Variants in USP42 observed in about 807,000 individuals in gnomAD.
USP42 encodes the protein ubiquitin specific peptidase 42.
Under a neutral mutation model 113.0 loss-of-function variants are expected in USP42, and 23 were observed. The observed-to-expected ratio is 0.20, with a 90% CI of 0.15 to 0.29. The LOEUF (loss-of-function observed/expected upper bound fraction) is 0.29. Ranked by LOEUF, USP42 falls within the 10% of genes least tolerant of loss-of-function variation. USP42 has a pLI of 1.00. For synonymous variants in USP42, 933 were observed against 699.0 expected (o/e 1.33, Z -5.28); for missense variants, 2,174 against 1,779.8 (o/e 1.22, Z -3.99).
At position 6,150,457 on chromosome 7, in the gene USP42, G is replaced by C. The variant is rs763596906; in HGVS notation, c.2152G>C (p.Glu718Gln). 2 of 1,613,970 alleles carry C rather than the reference G, an allele frequency of 1.2e-6. No homozygotes were observed. Among genetic ancestry groups the C allele is most frequent in the Admixed American group, 1.7e-5 (1 of 60,014 alleles). ...LLSLPEDKIL[E>Q]TFRLSNKLKG... ...GTCTCTCCCAGAAGACAAAATCTTA[G>C]AGACCTTCAGGCTTAGCAACAAACT... Residue 718 changes from glutamate to glutamine, a missense_variant, in exon 14 of 18, where the codon GAG (glutamate) becomes CAG (glutamine). Glu to Gln is a conservative substitution (Grantham distance 29). Transcript: ENST00000306177.
In USP42 at chr7:6,145,493, C is replaced by G. The variant is rs1431594033; in HGVS notation, c.991-23C>G. On this transcript the variant is annotated intron_variant, in intron 9 of 17. Transcript: ENST00000306177. ...ATGATCTGTGCCCTCGGAAATGTTT[C>G]TCCTGTTTCCATTTCCTTCTAGGAT... The G allele has an allele frequency of 4.3e-6, 7 of 1,613,652 alleles. No individual in the cohort carries two copies. In the East Asian group the frequency reaches 1.1e-4, roughly 26 times the overall value.
the USP42 span, chr7:6,081,521 A>C: frequency 4.6e-5 from 7 of 152,082 alleles, no homozygotes; most frequent in African/African-American, 1.7e-4. Context: ...CCTTCTCCAG[A>C]CGTAAGACCC....
chr7:6,117,874 A>G (rs865841322), intron 3 of USP42, among the ~76,000 whole-genome samples: 1 of 152,060 alleles, frequency 6.6e-6, no homozygotes, highest in South Asian at 2.1e-4. Context: ...CCATCCGTAT[A>G]TTTCCTTTGC....
chr7:6,124,765 C>T (rs1780432549), intron 3 of USP42, among the ~76,000 whole-genome samples: 1 of 151,560 alleles, frequency 6.6e-6, no homozygotes, highest in African/African-American at 2.4e-5. Context: ...CTTTTTCCTG[C>T]CTTCTTTTGG....
In USP42 at chr7:6,154,210, C is replaced by T. The variant is rs773056383; in HGVS notation, c.2656C>T (p.Pro886Ser). ...GGACCACGCCCGGGACGCTCAGGAC[C>T]CATCCCAGAGCTTGGGCGCACCCGA... is the stretch of plus-strand genomic sequence containing the variant. ...SGDHARDAQD[P>S]SQSLGAPEAA... The change falls in exon 15 of 18, where the codon CCA becomes TCA. Residue 886 changes from proline (P) to serine (S), a missense_variant. By Grantham distance (74) the Pro-to-Ser change is moderately conservative. Coordinates refer to ENST00000306177, the MANE Select transcript of USP42 (RefSeq NM_032172.3). 1.2e-5 allele frequency: 19 copies of T among 1,606,432 alleles called. No homozygotes were observed. In the Admixed American group the frequency reaches 3.0e-4, roughly 25 times the overall value.
intron 2 of USP42, among the ~76,000 whole-genome samples, chr7:6,114,670 ATATATATATTTTTTTT>A (rs1277536344): frequency 3.0e-4 from 12 of 39,702 alleles, no homozygotes; most frequent in Non-Finnish European, 5.2e-4. Context: ...ATATATATAT[ATATATATATTTTTTTT>A]TTTTTTTTTT....
the USP42 span, among the ~76,000 whole-genome samples, chr7:6,098,136 C>T: frequency 1.3e-5 from 2 of 148,908 alleles, 1 homozygote; most frequent in African/African-American, 5.0e-5. Context: ...ATCTTCTGAA[C>T]TCGTGATCCT....
At chr7:6,097,552 A>G in the USP42 span, among the ~76,000 whole-genome samples, 1 of 150,486 alleles carries the variant, frequency 6.6e-6, no homozygotes, top group Non-Finnish European at 1.5e-5. Flanking sequence ...GATTACAAGC[A>G]TAAGCCACTG....
chr7:6,136,315 T>A (rs1583639143), intron 4 of USP42, among the ~76,000 whole-genome samples: 1 of 152,146 alleles, frequency 6.6e-6, no homozygotes, highest in East Asian at 1.9e-4. Context: ...ATTACCTAGT[T>A]ATTCTTAATG....
At chr7:6,140,036 C>A (rs767472622) in intron 5 of USP42, 92 bp from the exon 6 acceptor site, 2 of 1,175,850 alleles carry the variant, frequency 1.7e-6, no homozygotes, top group Admixed American at 1.7e-5. Context: ...AATTCTTGAT[C>A]TTTTGTGAGC....
In USP42 at chr7:6,139,921, C is replaced by T. The variant is rs544265841; in HGVS notation, c.657-207C>T. 28 of 596,296 alleles carry T rather than the reference C, an allele frequency of 4.7e-5. No homozygotes were observed. Among genetic ancestry groups the T allele is most frequent in the African/African-American group, 9.3e-5 (5 of 53,490 alleles). 36.9% of individuals were successfully genotyped at this position (596,296 alleles called of 1,614,324 possible). On this transcript the variant is annotated intron_variant, in intron 5 of 17. Transcript: ENST00000306177. This position sits in a 1 kb window ranked among gnomAD's most constrained non-coding sequence, Gnocchi z 4.5. The stretch of plus-strand genomic sequence containing the variant: ...GACAGACACAGCTCCCACAGCTCTG[C>T]GTCTCCTCCCGCCACTCCCAGACCT...
chr7:6,100,784 A>G (rs1419615795), upstream of USP42, among the ~76,000 whole-genome samples: 1 of 147,288 alleles, frequency 6.8e-6, no homozygotes, highest in Non-Finnish European at 1.5e-5. Context: ...CTCCTGCCTC[A>G]GCCTCCTGAG....
At position 6,144,140 on chromosome 7, in the gene USP42, G is replaced by A; in HGVS notation, c.934G>A (p.Val312Ile). ...GTTCACTATCCATAGATCCTCTAATGTTCTTACACTTTCTCTGAAACGTTT... is the reference window on the plus strand; with the variant it reads ...GTTCACTATCCATAGATCCTCTAATATTCTTACACTTTCTCTGAAACGTTT... ...KRFTIHRSSNVLTLSLKRFAN... is the reference protein window; with the variant it reads ...KRFTIHRSSNILTLSLKRFAN... Residue 312 changes from valine to isoleucine, a missense_variant, in exon 9 of 18, where the codon GTT becomes ATT. By Grantham distance (29) the Val-to-Ile change is conservative. Coordinates refer to ENST00000306177, the MANE Select transcript of USP42 (RefSeq NM_032172.3). The A allele has an allele frequency of 6.3e-7, 1 of 1,596,706 alleles. No homozygotes were observed. Among genetic ancestry groups the A allele is most frequent in the Non-Finnish European group, 8.5e-7 (1 of 1,174,820 alleles).
intron 4 of USP42, 128 bp downstream of exon 4, chr7:6,136,079 A>T: frequency 1.8e-6 from 1 of 558,180 alleles, no homozygotes; most frequent in South Asian, 2.3e-5. Context: ...ATTTCGGCTC[A>T]CTGCAGCTTC....
chr7:6,107,690 T>C (rs1410038070), intron 1 of USP42, among the ~76,000 whole-genome samples: 1 of 152,172 alleles, frequency 6.6e-6, no homozygotes, highest in Non-Finnish European at 1.5e-5. Context: ...ATTACAGGTG[T>C]GAGCACCTGC....
At position 6,150,454 on chromosome 7, in the gene USP42, T is replaced by G. The variant is rs763395735; in HGVS notation, c.2149T>G (p.Leu717Val). ...GCTGTCTCTCCCAGAAGACAAAATCTTAGAGACCTTCAGGCTTAGCAACAA... is the reference window on the plus strand; with the variant it reads ...GCTGTCTCTCCCAGAAGACAAAATCGTAGAGACCTTCAGGCTTAGCAACAA... ...PLLSLPEDKI[L>V]ETFRLSNKLK... Residue 717 changes from leucine (L) to valine (V), a missense_variant, in exon 14 of 18, where the codon TTA becomes GTA. By Grantham distance (32) the Leu-to-Val change is conservative. Coordinates refer to ENST00000306177, the MANE Select transcript of USP42 (RefSeq NM_032172.3). 2 of 1,613,898 alleles carry G rather than the reference T, an allele frequency of 1.2e-6. No individual in the cohort carries two copies. The highest frequency in any genetic ancestry group is 2.7e-5 in the African/African-American group (2 of 74,934).
At position 6,150,024 on chromosome 7, in the gene USP42, G is replaced by A. The variant is rs1330585888; in HGVS notation, c.1828G>A (p.Glu610Lys). The A allele has an allele frequency of 5.0e-6, 8 of 1,612,026 alleles. No homozygotes were observed. Among genetic ancestry groups the A allele is most frequent in the Non-Finnish European group, 6.8e-6 (8 of 1,179,044 alleles). Reference sequence around the variant, plus strand: ...CAGCGTGCTGGTGCCCTATGGCGCCGAGTCCTCTGAGGACTCTGACGAGGA... The same window carrying A: ...CAGCGTGCTGGTGCCCTATGGCGCCAAGTCCTCTGAGGACTCTGACGAGGA... ...NSSVLVPYGA[E>K]SSEDSDEESK... is the part of the protein sequence containing the mutation. The change falls in exon 13 of 18, where the codon GAG (glutamate) becomes AAG (lysine). Residue 610 changes from glutamate (E) to lysine (K), a missense_variant. Transcript: ENST00000306177.
chr7:6,154,787 A>T lies in USP42; in HGVS notation c.3233A>T (p.His1078Leu). 1 of 1,548,876 alleles carries T rather than the reference A, an allele frequency of 6.5e-7. No individual in the cohort carries two copies. The highest frequency in any genetic ancestry group is 1.2e-5 in the South Asian group (1 of 83,986). ...GCTGCCCGGGACTGGAAGCCCTTCC[A>T]CGGCGGCCGCGAGCACGAGCGGGCC... Reference protein sequence around the residue: ...LYAARDWKPFHGGREHERAGL... With the variant: ...LYAARDWKPFLGGREHERAGL... The change falls in exon 15 of 18, where the codon CAC becomes CTC. Residue 1078 changes from histidine (H) to leucine (L), a missense_variant. His to Leu is a moderately conservative substitution (Grantham distance 99). Coordinates refer to ENST00000306177, the MANE Select transcript of USP42 (RefSeq NM_032172.3).
rs1782522185 is a variant in USP42, at chr7:6,157,477, A to C, written c.3943+422A>C. Reference sequence around the variant, plus strand: ...AGTGGCGGCGATCTCAGCTCACTGCAACCTCTGCCTCCCAGGTTCATGCTG... The same window carrying C: ...AGTGGCGGCGATCTCAGCTCACTGCCACCTCTGCCTCCCAGGTTCATGCTG... On this transcript the variant is annotated intron_variant, in intron 16 of 17. Coordinates refer to ENST00000306177, the MANE Select transcript of USP42 (RefSeq NM_032172.3). This position sits in a 1 kb window ranked among gnomAD's most constrained non-coding sequence, Gnocchi z 4.1. The C allele has an allele frequency of 1.3e-5, 10 of 749,696 alleles. No individual in the cohort carries two copies. The South Asian group carries it at 5.5e-4, about 41-fold the overall frequency. The allele number at this position is 749,696 out of a possible 1,614,324, so 46.4% of individuals were successfully genotyped here. A position where few individuals can be genotyped will look rare whatever the true frequency, so the allele number is the denominator to read the frequency against.
Sources: gnomAD v4.1 joint callset for allele counts (sites outside exome capture counted in the v4.1 genomes callset) on GRCh38, gnomAD v4.1.1 for gene constraint, Gnocchi (gnomAD v3.1) non-coding constraint, MANE v1.5 for transcripts, NCBI Gene and HGNC (gene_info 2026-07-23, HGNC 2026-07-21) for gene names.